MPZL1: variants seen among roughly 807,000 people sequenced by gnomAD.
MPZL1 encodes myelin protein zero like 1.
Under a neutral mutation model 29.3 loss-of-function variants are expected in MPZL1, and 16 were observed. That is an observed-to-expected ratio of 0.55 (90% CI 0.37 to 0.83). MPZL1 has a LOEUF of 0.83. Ranked by LOEUF, MPZL1 falls within the 40% of genes least tolerant of loss-of-function variation. MPZL1 has a pLI of 0.00. For missense variants in MPZL1, 279 were observed against 332.9 expected (o/e 0.84, Z 1.26); for synonymous variants, 143 against 132.0 (o/e 1.08, Z -0.57).
rs113700346 is a variant in MPZL1 at position 167,755,670 on chromosome 1, T to G, written c.92-9913T>G. 7.9e-3 allele frequency among the ~76,000 whole-genome samples: 1,208 copies of G among 152,332 alleles called. 14 individuals carry two copies. Among genetic ancestry groups the G allele is most frequent in the African/African-American group, 0.027 (1,137 of 41,580 alleles). On this transcript the variant is annotated intron_variant, in intron 1 of 5. Transcript: ENST00000359523. ...TCAAACTAACTGCAACTGGGGCATT[T>G]GTGTTGCCTGCTTCATGTTTTGAGC...
intron 1 of MPZL1, among the ~76,000 whole-genome samples, chr1:167,760,564 G>A (rs750265836): frequency 4.6e-5 from 7 of 152,120 alleles, no homozygotes; most frequent in Admixed American, 6.5e-5. Context: ...GGAAAGTTGT[G>A]CAAAAGAGAG....
At chr1:167,763,335 G>A (rs188744996) in intron 1 of MPZL1, among the ~76,000 whole-genome samples, 1 of 152,168 alleles carries the variant, frequency 6.6e-6, no homozygotes, top group East Asian at 1.9e-4. Flanking sequence ...GGGCAACATG[G>A]TGAAACCCCG....
intron 1 of MPZL1, among the ~76,000 whole-genome samples, chr1:167,737,287 G>A (rs1660396455): frequency 6.6e-6 from 1 of 152,108 alleles, no homozygotes; most frequent in African/African-American, 2.4e-5. Flanking sequence ...GAGCAGAGAG[G>A]GTGAAAATAA....
At chr1:167,773,905 AAAAAGAAAG>A (rs780975066) in intron 4 of MPZL1, 1 of 150,524 alleles carries the variant, frequency 6.6e-6, no homozygotes, top group African/African-American at 2.5e-5. Context: ...AAAAAAAAAA[AAAAAGAAAG>A]AAAGAAAGAA....
chr1:167,741,662 G>A (rs372899761), intron 1 of MPZL1, among the ~76,000 whole-genome samples: 1 of 151,956 alleles, frequency 6.6e-6, no homozygotes, highest in Admixed American at 6.6e-5. Flanking sequence ...ATTTCAGTCC[G>A]TATTCCCCTC....
intron 2 of MPZL1, among the ~76,000 whole-genome samples, chr1:167,768,797 A>G (rs1415905950): frequency 6.6e-6 from 1 of 152,206 alleles, no homozygotes; most frequent in Non-Finnish European, 1.5e-5. Flanking sequence ...GCTGTCTCAG[A>G]CCCAGTGCTG....
At chr1:167,730,476 A>G (rs928768522) in intron 1 of MPZL1, among the ~76,000 whole-genome samples, 4 of 152,012 alleles carry the variant, frequency 2.6e-5, no homozygotes, top group African/African-American at 4.8e-5. Flanking sequence ...ACAGGGTTTC[A>G]CCATGTTGGC....
intron 2 of MPZL1, among the ~76,000 whole-genome samples, chr1:167,770,512 A>G (rs1217700104): frequency 6.6e-6 from 1 of 152,252 alleles, no homozygotes; most frequent in Non-Finnish European, 1.5e-5. Context: ...CGGCAAGAGT[A>G]TCTTGTGTTA....
intron 2 of MPZL1, among the ~76,000 whole-genome samples, chr1:167,770,969 A>G (rs1661230988): frequency 1.3e-5 from 2 of 149,776 alleles, no homozygotes; most frequent in South Asian, 2.1e-4. Context: ...CTTAGATTCC[A>G]TAACTTGTGA....
intron 1 of MPZL1, among the ~76,000 whole-genome samples, chr1:167,736,325 C>T (rs928884010): frequency 3.3e-5 from 5 of 152,130 alleles, no homozygotes; most frequent in African/African-American, 9.7e-5. Context: ...TATAGGCATT[C>T]AATACGTATT....
Position 167,772,614 on chromosome 1 carries a change from G to A in MPZL1, c.472+126G>A, listed in dbSNP as rs878862229. 11 of 795,614 alleles carry A rather than the reference G, an allele frequency of 1.4e-5. No individual in the cohort carries two copies. In the South Asian group the frequency reaches 1.7e-4, roughly 12 times the overall value. 49.3% of individuals were successfully genotyped at this position (795,614 alleles called of 1,614,324 possible). A position where few individuals can be genotyped will look rare whatever the true frequency, so the allele number is the denominator to read the frequency against. On this transcript the variant is annotated intron_variant, in intron 3 of 5. Transcript: ENST00000359523. ...TTTTTGCCATACAGTTGTGCTCCCT[G>A]TTGCCACGAACCTGTGGCTCTACCA...
chr1:167,738,477 C>G (rs573704438), intron 1 of MPZL1, among the ~76,000 whole-genome samples: 13 of 152,158 alleles, frequency 8.5e-5, no homozygotes, highest in Non-Finnish European at 1.9e-4. Context: ...ATTTTTCCTA[C>G]TATTTATAGC....
Position 167,790,909 on chromosome 1 carries a change from T to C in MPZL1, c.*2988T>C, listed in dbSNP as rs1404791707. 1 of 152,224 alleles carries C rather than the reference T, an allele frequency of 6.6e-6. No individual in the cohort carries two copies. Among genetic ancestry groups the C allele is most frequent in the Non-Finnish European group, 1.5e-5 (1 of 68,052 alleles). The allele number at this position is 152,224 out of a possible 1,614,324, so 9.4% of individuals were successfully genotyped here. ...TTCCAGCTACACCTGCCTTCTTTTCTTCAAAAATGCCGTCCGTGTGCCTGC... is the reference window on the plus strand; with the variant it reads ...TTCCAGCTACACCTGCCTTCTTTTCCTCAAAAATGCCGTCCGTGTGCCTGC... On this transcript the variant is annotated 3_prime_UTR_variant, in exon 6 of 6. Coordinates refer to ENST00000359523, the MANE Select transcript of MPZL1 (RefSeq NM_003953.6).
intron 1 of MPZL1, among the ~76,000 whole-genome samples, chr1:167,760,805 T>G (rs1660972028): frequency 6.9e-6 from 1 of 144,094 alleles, no homozygotes; most frequent in Admixed American, 6.9e-5. Flanking sequence ...ACAGGTGTCA[T>G]CAGCATTTGA....
At chr1:167,729,531 A>G (rs1022062280) in intron 1 of MPZL1, among the ~76,000 whole-genome samples, 1 of 152,196 alleles carries the variant, frequency 6.6e-6, no homozygotes, top group Non-Finnish European at 1.5e-5. Flanking sequence ...TCATTGCTAT[A>G]TACTTTCTTC....
chr1:167,738,641 T>G (rs909572423), intron 1 of MPZL1, among the ~76,000 whole-genome samples: 2 of 152,192 alleles, frequency 1.3e-5, no homozygotes, highest in African/African-American at 4.8e-5. Context: ...CTCTTGGTGC[T>G]GTTCTCTTGA....
chr1:167,729,873 TAAG>T (rs1428163837), intron 1 of MPZL1, among the ~76,000 whole-genome samples: 1 of 152,234 alleles, frequency 6.6e-6, no homozygotes, highest in Non-Finnish European at 1.5e-5. Context: ...ATTTTATAGA[TAAG>T]AAGAGTAAGT....
Position 167,773,314 on chromosome 1 carries a change from G to T in MPZL1, c.551G>T (p.Ser184Ile), listed in dbSNP as rs1467307736. 8 of 1,613,826 alleles carry T rather than the reference G, an allele frequency of 5.0e-6. No individual in the cohort carries two copies. Among genetic ancestry groups the T allele is most frequent in the African/African-American group, 2.7e-5 (2 of 74,924 alleles). The change falls in exon 4 of 6, where the codon AGC (serine) becomes ATC (isoleucine). Residue 184 changes from serine (S) to isoleucine (I), a missense_variant. By Grantham distance (142) the Ser-to-Ile change is moderately radical. Coordinates refer to ENST00000359523, the MANE Select transcript of MPZL1 (RefSeq NM_003953.6). ...AVVLGLTLLI[S>I]MILAVLYRRK... ...GTCCTAGGTCTCACTCTGCTCATCA[G>T]CATGATTCTGGCTGTCCTCTATAGA...
intron 1 of MPZL1, among the ~76,000 whole-genome samples, chr1:167,754,915 A>C (rs1660835978): frequency 6.6e-6 from 1 of 152,204 alleles, no homozygotes; most frequent in Admixed American, 6.5e-5. Flanking sequence ...AAAATAGAGC[A>C]GAAGGTACAG....
Sources: allele counts gnomAD v4.1 joint callset (sites outside exome capture counted in the v4.1 genomes callset), GRCh38; gene constraint gnomAD v4.1.1; transcripts MANE v1.5; gene names NCBI Gene and HGNC (gene_info 2026-07-23, HGNC 2026-07-21).